ZNF486: variants seen among roughly 807,000 people sequenced by gnomAD.
ZNF486 encodes zinc finger protein 486.
In ZNF486, 12 loss-of-function variants were observed where a neutral mutation model predicts 12.8. The ratio of observed to expected loss-of-function variants is 0.94; its 90% CI spans 0.60 to 1.52. The LOEUF (loss-of-function observed/expected upper bound fraction) is 1.52, where lower values mean the gene tolerates loss of function less well. Ranked by LOEUF, ZNF486 falls within the 40% of genes most tolerant of loss-of-function variation. The pLI, the probability that ZNF486 is intolerant of heterozygous loss-of-function variation, is 0.00. For synonymous variants in ZNF486, 231 were observed against 184.9 expected (o/e 1.25, Z -2.02); for missense variants, 738 against 545.0 (o/e 1.35, Z -3.53).
Position 20,199,472 on chromosome 19 carries a change from T to G in ZNF486, c.*1370T>G, listed in dbSNP as rs112028398. ...GTGGCTGGGCACAGTGGCTCATGCC[T>G]GTAATCCCAGCACTTTGGGAGGCCA... On this transcript the variant is annotated 3_prime_UTR_variant, in exon 4 of 4. Transcript: ENST00000335117. 11,751 of 152,292 alleles carry G rather than the reference T, an allele frequency of 0.077. 698 individuals are homozygous for G. The highest frequency in any genetic ancestry group is 0.17 in the African/African-American group (7,046 of 41,542). The allele number at this position is 152,292 out of a possible 1,614,324, so 9.4% of individuals were successfully genotyped here.
chr19:20,189,237 A>G (rs1445181921), intron 3 of ZNF486, among the ~76,000 whole-genome samples: 1 of 151,950 alleles, frequency 6.6e-6, no homozygotes, highest in Non-Finnish European at 1.5e-5. Context: ...ACACCCAGCT[A>G]ATTTTTTGTA....
At chr19:20,181,315 A>G (rs1354825473) in intron 1 of ZNF486, among the ~76,000 whole-genome samples, 2 of 152,226 alleles carry the variant, frequency 1.3e-5, no homozygotes, top group Middle Eastern at 3.4e-3. Flanking sequence ...CAAGGCGGGC[A>G]GATCATGAGG....
intron 1 of ZNF486, chr19:20,176,107 G>A (rs1368043028): frequency 1.1e-5 from 2 of 186,128 alleles, no homozygotes; most frequent in Non-Finnish European, 2.2e-5. Flanking sequence ...TCACCTCTCA[G>A]ATGGGGCGGC....
intron 1 of ZNF486, among the ~76,000 whole-genome samples, chr19:20,174,429 C>T (rs974954048): frequency 6.6e-6 from 1 of 151,240 alleles, no homozygotes; most frequent in Admixed American, 6.6e-5. Context: ...GTCTCTGTTG[C>T]CCAAGCTGCA....
At chr19:20,168,324 A>T (rs782602483) in intron 1 of ZNF486, among the ~76,000 whole-genome samples, 1 of 151,102 alleles carries the variant, frequency 6.6e-6, no homozygotes, top group Non-Finnish European at 1.5e-5. Context: ...GCGCCATCGT[A>T]CTTAAGTGTG....
chr19:20,169,926 C>G (rs377117119), intron 1 of ZNF486, among the ~76,000 whole-genome samples: 2 of 145,400 alleles, frequency 1.4e-5, no homozygotes, highest in Non-Finnish European at 3.0e-5. Flanking sequence ...AGTCTCACTC[C>G]GTCGCCCAGG....
At chr19:20,191,475 A>AC (rs1555717194) in intron 3 of ZNF486, among the ~76,000 whole-genome samples, 2 of 145,822 alleles carry the variant, frequency 1.4e-5, no homozygotes, top group African/African-American at 5.2e-5. Flanking sequence ...AAAAAAAAAA[A>AC]AATTATGCAC....
chr19:20,176,026 G>T (rs182706341), intron 1 of ZNF486: 3 of 169,220 alleles, frequency 1.8e-5, no homozygotes, highest in South Asian at 1.2e-4. Context: ...CCTCCCTCCC[G>T]GACGGGGTGG....
chr19:20,169,720 A>G (rs1452348665), intron 1 of ZNF486, among the ~76,000 whole-genome samples: 1 of 152,032 alleles, frequency 6.6e-6, no homozygotes, highest in Non-Finnish European at 1.5e-5. Flanking sequence ...TGTGGCTTGC[A>G]AAAATGTAGG....
chr19:20,174,291 GCTTT>G (rs1321687231), intron 1 of ZNF486, among the ~76,000 whole-genome samples: 1 of 152,144 alleles, frequency 6.6e-6, no homozygotes, highest in Admixed American at 6.5e-5. Flanking sequence ...GTTGTGCCTG[GCTTT>G]CTATTTATTA....
chr19:20,191,328 G>A (rs559717492), intron 3 of ZNF486, among the ~76,000 whole-genome samples: 4 of 150,758 alleles, frequency 2.7e-5, no homozygotes, highest in African/African-American at 9.8e-5. Flanking sequence ...AAAGCCGGGC[G>A]TGCTGGTGGG....
chr19:20,177,829 G>C (rs113155923), intron 1 of ZNF486, among the ~76,000 whole-genome samples: 9,607 of 151,974 alleles, frequency 0.063, 360 homozygotes, highest in African/African-American at 0.11. Context: ...ACCCGCCTCG[G>C]CCTCCCAAAG....
rs1304175588 is a variant in ZNF486 at position 20,197,632 on chromosome 19, A to G, written c.922A>G (p.Thr308Ala). Residue 308 changes from threonine to alanine, a missense_variant, in exon 4 of 4, where the codon ACT (threonine) becomes GCT (alanine). Coordinates refer to ENST00000335117, the MANE Select transcript of ZNF486 (RefSeq NM_052852.4). ...TGACAAAGCTTTTAACCATCCTGCA[A>G]CTCTTTCTTCACATAAGAAAATTCA... ...ECDKAFNHPA[T>A]LSSHKKIHTG... The G allele has an allele frequency of 2.5e-6, 4 of 1,613,592 alleles. No homozygotes were observed. The African/African-American group carries it at 5.3e-5, about 22-fold the overall frequency.
intron 1 of ZNF486, among the ~76,000 whole-genome samples, chr19:20,181,763 T>G (rs2089789963): frequency 6.6e-6 from 1 of 152,218 alleles, no homozygotes; most frequent in African/African-American, 2.4e-5. Flanking sequence ...TTCATCTGTC[T>G]ATATTTTGCT....
Position 20,197,559 on chromosome 19 carries a change from ACATAAGATAATC to A in ZNF486, c.854_865del (p.Lys285_His288del). 6.2e-7 allele frequency: 1 copy of A among 1,613,536 alleles called. No individual in the cohort carries two copies. The highest frequency in any genetic ancestry group is 8.5e-7 in the Non-Finnish European group (1 of 1,179,730). Reference sequence around the variant, plus strand: ...TTATGTACCCCTATACCCTTACTACACATAAGATAATCCATACTGGAGAGCAACCCTACAAAT... The same window carrying A: ...TTATGTACCCCTATACCCTTACTACACATACTGGAGAGCAACCCTACAAAT... On this transcript the variant is annotated inframe_deletion, in exon 4 of 4. Coordinates refer to ENST00000335117, the MANE Select transcript of ZNF486 (RefSeq NM_052852.4).
intron 3 of ZNF486, among the ~76,000 whole-genome samples, chr19:20,196,401 T>G (rs2089958695): frequency 6.6e-6 from 1 of 152,224 alleles, no homozygotes; most frequent in Non-Finnish European, 1.5e-5. Context: ...CAATCTTGGC[T>G]TACTGCAACC....
At chr19:20,171,825 C>T (rs2089651056) in intron 1 of ZNF486, among the ~76,000 whole-genome samples, 1 of 152,152 alleles carries the variant, frequency 6.6e-6, no homozygotes, top group Admixed American at 6.5e-5. Flanking sequence ...TGAGGTACTA[C>T]CCATAGCACC....
intron 3 of ZNF486, among the ~76,000 whole-genome samples, chr19:20,188,995 G>T (rs782585152): frequency 6.6e-6 from 1 of 152,116 alleles, no homozygotes; most frequent in Non-Finnish European, 1.5e-5. Context: ...AGAGACATCT[G>T]GGTTGCTTCA....
At chr19:20,167,471 T>A (rs1465300706) in intron 1 of ZNF486, 111 bp downstream of exon 1, 3 of 1,276,348 alleles carry the variant, frequency 2.4e-6, no homozygotes, top group Non-Finnish European at 3.3e-6. Flanking sequence ...GCGTCCGGAC[T>A]TCTCCTTACC....
Sources: gnomAD v4.1 joint callset for allele counts (sites outside exome capture counted in the v4.1 genomes callset) on GRCh38, gnomAD v4.1.1 for gene constraint, MANE v1.5 for transcripts, NCBI Gene and HGNC (gene_info 2026-07-23, HGNC 2026-07-21) for gene names.